The following ASB8 variants were observed in gnomAD, a reference collection of about 807,000 sequenced individuals.
ASB8 encodes the protein ankyrin repeat and SOCS box containing 8.
In ASB8, 15 loss-of-function variants were observed where a neutral mutation model predicts 22.9. That is an observed-to-expected ratio of 0.66 (90% CI 0.44 to 1.01). The LOEUF (loss-of-function observed/expected upper bound fraction) is 1.01, where lower values mean the gene tolerates loss of function less well. Ranked by LOEUF, ASB8 falls within the 50% of genes least tolerant of loss-of-function variation. The probability of loss-of-function intolerance (pLI) is 0.00; values close to 1 mark genes in which losing one functional copy is unlikely to be tolerated. For missense variants in ASB8, 294 were observed against 356.9 expected (o/e 0.82, Z 1.42); for synonymous variants, 124 against 140.8 (o/e 0.88, Z 0.84).
Position 48,149,423 on chromosome 12 carries a change from T to C in ASB8, c.810A>G (p.Ala270=). Residue 270 remains alanine, a synonymous_variant, in exon 4 of 4, where the codon GCA becomes GCG. Coordinates refer to ENST00000317697, the MANE Select transcript of ASB8 (RefSeq NM_024095.5). The stretch of plus-strand genomic sequence containing the variant: ...AAGCTGGCAGTGGAAGGCCCTTCAC[T>C]GCATCGGGGAGATACTGGAGTCCCA... ...RSLGLQYLPD[A]VKGLPLPASL... 6.2e-7 allele frequency: 1 copy of C among 1,614,022 alleles called. No homozygotes were observed. The highest frequency in any genetic ancestry group is 2.2e-5 in the East Asian group (1 of 44,894).
rs973993715 is a variant in ASB8 at position 48,149,125 on chromosome 12, A to T, written c.*241T>A. On this transcript the variant is annotated 3_prime_UTR_variant, in exon 4 of 4. Coordinates refer to ENST00000317697, the MANE Select transcript of ASB8 (RefSeq NM_024095.5). ...GATTGAGGGAGACCTCTTCTTTTGC[A>T]AAATGCAATATAAAAAGCCAGGTAA... The T allele has an allele frequency of 3.7e-6, 2 of 544,838 alleles. No homozygotes were observed. Among genetic ancestry groups the T allele is most frequent in the African/African-American group, 3.8e-5 (2 of 52,896 alleles). The allele number at this position is 544,838 out of a possible 1,614,324, so 33.8% of individuals were successfully genotyped here.
intron 2 of ASB8, chr12:48,151,798 A>G (rs1183980158): frequency 2.4e-6 from 1 of 422,230 alleles, no homozygotes; most frequent in African/African-American, 2.1e-5. Context: ...AACATCTTCA[A>G]AGTAGCCTCT....
Position 48,151,167 on chromosome 12 carries a change from T to C in ASB8, c.234+34A>G, listed in dbSNP as rs146743021. On this transcript the variant is annotated intron_variant, in intron 3 of 3. Coordinates refer to ENST00000317697, the MANE Select transcript of ASB8 (RefSeq NM_024095.5). Reference sequence around the variant, plus strand: ...AGAAAACATGAAGCTCAAGTTTTAGTGAGTCATTAATGTGAATGTGTTAAA... The same window carrying C: ...AGAAAACATGAAGCTCAAGTTTTAGCGAGTCATTAATGTGAATGTGTTAAA... The C allele has an allele frequency of 1.1e-4, 171 of 1,511,278 alleles. No individual in the cohort carries two copies. In the African/African-American group the frequency reaches 2.0e-3, roughly 18 times the overall value. The allele number at this position is 1,511,278 out of a possible 1,614,324, so 93.6% of individuals were successfully genotyped here. A position where few individuals can be genotyped will look rare whatever the true frequency, so the allele number is the denominator to read the frequency against.
intron 2 of ASB8, 181 bp from the exon 3 acceptor site, chr12:48,151,486 G>T: frequency 8.8e-7 from 1 of 1,138,254 alleles, no homozygotes; most frequent in Non-Finnish European, 1.2e-6. Flanking sequence ...GGAGTACACT[G>T]AAGATGAAGG....
rs189564842 is a variant in ASB8 at position 48,150,262 on chromosome 12, C to T, written c.235-264G>A. 2,800 of 691,668 alleles carry T rather than the reference C, an allele frequency of 4.0e-3. 8 individuals carry two copies. The highest frequency in any genetic ancestry group is 5.5e-3 in the Non-Finnish European group (2,096 of 379,942). 42.8% of individuals were successfully genotyped at this position (691,668 alleles called of 1,614,324 possible). On this transcript the variant is annotated intron_variant, in intron 3 of 3. Transcript: ENST00000317697. ...GTCTGCATTATTTTGGTTTTTGCTG[C>T]AATGTTCTTTTATCTATTCATTAGA...
intron 1 of ASB8, among the ~76,000 whole-genome samples, chr12:48,155,068 T>C (rs1004618573): frequency 6.6e-6 from 1 of 152,184 alleles, no homozygotes; most frequent in East Asian, 1.9e-4. Context: ...AAGAAAATAA[T>C]GCAATATACT....
chr12:48,154,625 G>T (rs1951267621), intron 1 of ASB8, among the ~76,000 whole-genome samples: 1 of 151,942 alleles, frequency 6.6e-6, no homozygotes, highest in African/African-American at 2.4e-5. Context: ...TTCAGTTTTA[G>T]GAAAATTTGC....
At position 48,149,122 on chromosome 12, in the gene ASB8, T is replaced by G. The variant is rs1361056270; in HGVS notation, c.*244A>C. 2 of 540,368 alleles carry G rather than the reference T, an allele frequency of 3.7e-6. No homozygotes were observed. The highest frequency in any genetic ancestry group is 6.5e-6 in the Non-Finnish European group (2 of 307,830). 33.5% of individuals were successfully genotyped at this position (540,368 alleles called of 1,614,324 possible). A position where few individuals can be genotyped will look rare whatever the true frequency, so the allele number is the denominator to read the frequency against. On this transcript the variant is annotated 3_prime_UTR_variant, in exon 4 of 4. Transcript: ENST00000317697. ...GAGGATTGAGGGAGACCTCTTCTTT[T>G]GCAAAATGCAATATAAAAAGCCAGG...
chr12:48,155,729 C>CAAAA (rs1219893101), intron 1 of ASB8, among the ~76,000 whole-genome samples: 7 of 107,784 alleles, frequency 6.5e-5, no homozygotes, highest in Middle Eastern at 5.3e-3. Context: ...GACTCCATCT[C>CAAAA]AAAAAAAAAA....
At chr12:48,151,679 A>G in intron 2 of ASB8, 2 of 1,304,138 alleles carry the variant, frequency 1.5e-6, no homozygotes, top group African/African-American at 1.5e-5. Flanking sequence ...GAAAAGTAGG[A>G]AAGTGAGTCT....
Position 48,149,540 on chromosome 12 carries a change from G to A in ASB8, c.693C>T (p.Ala231=), listed in dbSNP as rs753023445. The A allele has an allele frequency of 6.2e-7, 1 of 1,614,172 alleles. No homozygotes were observed. Among genetic ancestry groups the A allele is most frequent in the South Asian group, 1.1e-5 (1 of 91,086 alleles). ...RKNGTMPREV[A]RDPQLCEKLT... is the part of the protein sequence containing the mutation. ...GTTTTTCACATAGCTGCGGGTCTCT[G>A]GCCACCTCTCGTGGCATGGTGCCAT... The change falls in exon 4 of 4, where the codon GCC becomes GCT. Residue 231 remains alanine (A), a synonymous_variant. Transcript: ENST00000317697.
At chr12:48,157,407 T>G (rs923756350) in intron 1 of ASB8, 52 bp downstream of exon 1, 1 of 152,256 alleles carries the variant, frequency 6.6e-6, no homozygotes, top group Non-Finnish European at 1.5e-5. Flanking sequence ...TTGGGCGTGG[T>G]ACCCTGGGTT....
At chr12:48,157,030 A>T (rs1352102447) in intron 1 of ASB8, 1 of 150,914 alleles carries the variant, frequency 6.6e-6, no homozygotes, top group African/African-American at 2.4e-5. Flanking sequence ...AGAAGACACA[A>T]CAGCTCTGAT....
chr12:48,151,676 A>G, intron 2 of ASB8: 1 of 1,309,014 alleles, frequency 7.6e-7, no homozygotes, highest in Non-Finnish European at 1.0e-6. Context: ...CTGGAAAAGT[A>G]GGAAAGTGAG....
Position 48,153,397 on chromosome 12 carries a change from G to C in ASB8, c.100C>G (p.His34Asp). ...CTGATGAGGTCCTCTACATTATCAT[G>C]TGGGAAGGAACGGATGGCAGCAATT... The part of the protein sequence containing the change: ...RTIAAIRSFP[H>D]DNVEDLIRGG... Residue 34 changes from histidine (H) to aspartate (D), a missense_variant, in exon 2 of 4, where the codon CAT becomes GAT. By Grantham distance (81) the His-to-Asp change is moderately conservative. Coordinates refer to ENST00000317697, the MANE Select transcript of ASB8 (RefSeq NM_024095.5). 1.2e-6 allele frequency: 2 copies of C among 1,614,000 alleles called. No homozygotes were observed.
Position 48,147,959 on chromosome 12 carries a change from A to G in ASB8, c.*1407T>C, listed in dbSNP as rs1951125509. On this transcript the variant is annotated 3_prime_UTR_variant, in exon 4 of 4. Transcript: ENST00000317697. ...AAAAAGTTTTTCAAATTTGCATACA[A>G]GTCATCTAAAATCAATAACAACTTG... The G allele has an allele frequency of 2.0e-5, 3 of 152,316 alleles. No homozygotes were observed. In the South Asian group the frequency reaches 6.2e-4, roughly 32 times the overall value. 9.4% of individuals were successfully genotyped at this position (152,316 alleles called of 1,614,324 possible).
chr12:48,147,909 T>G lies in ASB8; in HGVS notation c.*1457A>C, dbSNP rs781143019. On this transcript the variant is annotated 3_prime_UTR_variant, in exon 4 of 4. Transcript: ENST00000317697. Reference sequence around the variant, plus strand: ...GTGTCAGTAGATTCCATTCATTGTTTGTAGTTCCCAATCAGCTTTAAAAAA... The same window carrying G: ...GTGTCAGTAGATTCCATTCATTGTTGGTAGTTCCCAATCAGCTTTAAAAAA... The G allele has an allele frequency of 2.6e-5, 4 of 152,194 alleles. No homozygotes were observed. Among genetic ancestry groups the G allele is most frequent in the Non-Finnish European group, 5.9e-5 (4 of 68,032 alleles). 9.4% of individuals were successfully genotyped at this position (152,194 alleles called of 1,614,324 possible).
chr12:48,151,757 A>G, intron 2 of ASB8: 3 of 661,516 alleles, frequency 4.5e-6, no homozygotes, highest in Non-Finnish European at 7.1e-6. Context: ...TAATAGTGGC[A>G]TCATCTTAAC....
intron 3 of ASB8, chr12:48,150,307 G>A: frequency 4.7e-6 from 3 of 644,188 alleles, no homozygotes; most frequent in Non-Finnish European, 8.4e-6. Context: ...ACAGAGTAAG[G>A]GGTAAGGCAG....
Sources: gnomAD v4.1 joint callset for allele counts (sites outside exome capture counted in the v4.1 genomes callset) on GRCh38, gnomAD v4.1.1 for gene constraint, MANE v1.5 for transcripts, NCBI Gene and HGNC (gene_info 2026-07-23, HGNC 2026-07-21) for gene names.